The following METTL14 variants were observed in gnomAD, a reference collection of about 807,000 sequenced individuals.
METTL14 encodes the protein methyltransferase 14, N6-adenosine-methyltransferase non-catalytic subunit, also known as N(6)-adenosine-methyltransferase non-catalytic subunit METTL14.
METTL14 carries 32 observed loss-of-function variants against 62.4 expected under a neutral mutation model. The observed-to-expected ratio is 0.51, with a 90% CI of 0.39 to 0.69. METTL14 has a LOEUF of 0.69. Among genes scored for constraint, METTL14 ranks in the 30% least tolerant of loss-of-function variants. METTL14 has a pLI of 0.00. For missense variants in METTL14, 340 were observed against 551.9 expected (o/e 0.62, Z 3.85); for synonymous variants, 150 against 180.0 (o/e 0.83, Z 1.34).
At chr4:118,689,612 A>G (rs893783299) in intron 3 of METTL14, 155 bp downstream of exon 3, 5 of 437,306 alleles carry the variant, frequency 1.1e-5, no homozygotes, top group Middle Eastern at 6.4e-4. Flanking sequence ...CATTAAGACC[A>G]TTATATCAGT....
chr4:118,707,297 T>C (rs933552373), intron 10 of METTL14, among the ~76,000 whole-genome samples: 5 of 152,158 alleles, frequency 3.3e-5, no homozygotes, highest in African/African-American at 1.2e-4. Flanking sequence ...AAAAATTTGA[T>C]GGATCAAAGT....
chr4:118,702,974 A>C (rs1460585310), intron 8 of METTL14, among the ~76,000 whole-genome samples: 1 of 141,302 alleles, frequency 7.1e-6, no homozygotes, highest in African/African-American at 2.5e-5. Context: ...TATTATTATT[A>C]TTATACTTTA....
chr4:118,700,562 G>C lies in METTL14; in HGVS notation c.658G>C (p.Glu220Gln). ...CWTWDDIMKLEIDEIAAPRSF... is the reference protein window; with the variant it reads ...CWTWDDIMKLQIDEIAAPRSF... ...TGATTTCTTACAGATTATGAAGTTA[G>C]AAATTGATGAGATTGCAGCACCTCG... Residue 220 changes from glutamate to glutamine, a missense_variant, in exon 8 of 11, where the codon GAA (glutamate) becomes CAA (glutamine). By Grantham distance (29) the Glu-to-Gln change is conservative (BLOSUM62 2). This residue lies in a region of METTL14 where 58 missense variants were observed against 147.5 expected (regional missense o/e 0.39). Coordinates refer to ENST00000388822, the MANE Select transcript of METTL14 (RefSeq NM_020961.4). 2 of 1,612,368 alleles carry C rather than the reference G, an allele frequency of 1.2e-6. No homozygotes were observed. The highest frequency in any genetic ancestry group is 1.7e-6 in the Non-Finnish European group (2 of 1,178,840).
At chr4:118,689,905 T>C (rs1043531317) in intron 3 of METTL14, among the ~76,000 whole-genome samples, 32 of 152,066 alleles carry the variant, frequency 2.1e-4, no homozygotes, top group East Asian at 7.7e-4. Context: ...CCCAAAGTGC[T>C]GGGATTATAG....
intron 8 of METTL14, among the ~76,000 whole-genome samples, chr4:118,702,024 A>G (rs1724608151): frequency 6.6e-6 from 1 of 151,798 alleles, no homozygotes; most frequent in African/African-American, 2.4e-5. Context: ...TTTTATAGGT[A>G]TATTGGTGTT....
chr4:118,708,497 G>T (rs553503636), intron 10 of METTL14, among the ~76,000 whole-genome samples: 1 of 152,064 alleles, frequency 6.6e-6, no homozygotes, highest in East Asian at 1.9e-4. Context: ...TCTTGATCAT[G>T]GTATCTGCCA....
rs1413017317 is a variant in METTL14, at chr4:118,699,868, C to A, written c.646-682C>A. Among the ~76,000 whole-genome samples, 3 of 152,034 alleles carry A rather than the reference C, an allele frequency of 2.0e-5. 1 individual carries two copies. In the East Asian group the frequency reaches 5.8e-4, roughly 29 times the overall value. ...TGAGATACCGTCCTGAAGGAAGTGC[C>A]AGTAGTTAATGTAATAAACAAAATG... On this transcript the variant is annotated intron_variant, in intron 7 of 10. Coordinates refer to ENST00000388822, the MANE Select transcript of METTL14 (RefSeq NM_020961.4).
rs1165412269 is a variant in METTL14, at chr4:118,704,040, C to G, written c.844C>G (p.Gln282Glu). ...TKTLDPKAVF[Q>E]RTKEHCLMGI... is the part of the protein sequence containing the mutation. The stretch of plus-strand genomic sequence containing the variant: ...GACTTTAGATCCAAAGGCTGTCTTT[C>G]AGAGAACAAAGGTATTGCCTTTACT... The change falls in exon 9 of 11, where the codon CAG becomes GAG. Residue 282 changes from glutamine (Q) to glutamate (E), a missense_variant. Physicochemically the swap from Gln to Glu is conservative, Grantham distance 29. Transcript: ENST00000388822. 1 of 1,572,680 alleles carries G rather than the reference C, an allele frequency of 6.4e-7. No homozygotes were observed. Among genetic ancestry groups the G allele is most frequent in the Non-Finnish European group, 8.6e-7 (1 of 1,161,754 alleles).
At position 118,715,351 on chromosome 4, in the gene METTL14, ATGTCT is replaced by A. The variant is rs1725017733; in HGVS notation, c.*5053_*5057del. ...TTAAATGATCAAAGTAATTGCTTAA[ATGTCT>A]TGTGGAATTAGCTGTCACTTTATAG... On this transcript the variant is annotated 3_prime_UTR_variant, in exon 11 of 11. Coordinates refer to ENST00000388822, the MANE Select transcript of METTL14 (RefSeq NM_020961.4). 6.6e-6 allele frequency: 1 copy of A among 152,210 alleles called. No individual in the cohort carries two copies. The highest frequency in any genetic ancestry group is 1.5e-5 in the Non-Finnish European group (1 of 68,042). The allele number at this position is 152,210 out of a possible 1,614,324, so 9.4% of individuals were successfully genotyped here.
At chr4:118,695,550 T>C (rs1724383080) in intron 6 of METTL14, among the ~76,000 whole-genome samples, 1 of 152,096 alleles carries the variant, frequency 6.6e-6, no homozygotes, top group Admixed American at 6.5e-5. Flanking sequence ...CTCCGTATTC[T>C]TGATAGCTTA....
chr4:118,694,649 T>C (rs1179670459), intron 6 of METTL14, 123 bp downstream of exon 6: 4 of 720,626 alleles, frequency 5.6e-6, no homozygotes, highest in Non-Finnish European at 9.4e-6. Context: ...TTTATTACTC[T>C]GTTTCTTCTC....
At chr4:118,702,079 T>C (rs1724609119) in intron 8 of METTL14, among the ~76,000 whole-genome samples, 1 of 151,996 alleles carries the variant, frequency 6.6e-6, no homozygotes, top group Admixed American at 6.6e-5. Context: ...TTTCCTTTCA[T>C]TCCCCAAATT....
chr4:118,712,288 T>G lies in METTL14; in HGVS notation c.*1986T>G, dbSNP rs1379626291. 2.0e-5 allele frequency: 3 copies of G among 152,196 alleles called. No homozygotes were observed. Among genetic ancestry groups the G allele is most frequent in the Non-Finnish European group, 4.4e-5 (3 of 68,030 alleles). The allele number at this position is 152,196 out of a possible 1,614,324, so 9.4% of individuals were successfully genotyped here. On this transcript the variant is annotated 3_prime_UTR_variant, in exon 11 of 11. Coordinates refer to ENST00000388822, the MANE Select transcript of METTL14 (RefSeq NM_020961.4). ...TACTCTGACCTCTTCTAATTTTTGG[T>G]CTTCTTTATATTTACATGTCTTACA...
At chr4:118,692,343 C>T (rs1463280696) in intron 5 of METTL14, among the ~76,000 whole-genome samples, 1 of 151,854 alleles carries the variant, frequency 6.6e-6, no homozygotes, top group Non-Finnish European at 1.5e-5. Context: ...ATTCTCCTGC[C>T]TCAGCCTCCC....
chr4:118,703,812 T>A (rs919633403), intron 8 of METTL14, 123 bp from the exon 9 acceptor site: 1 of 566,260 alleles, frequency 1.8e-6, no homozygotes, highest in Non-Finnish European at 3.0e-6. Context: ...CAAAATTACC[T>A]TGAAACCTTG....
intron 1 of METTL14, among the ~76,000 whole-genome samples, chr4:118,687,308 A>ATG (rs1457350628): frequency 6.6e-6 from 1 of 152,204 alleles, no homozygotes; most frequent in African/African-American, 2.4e-5. Context: ...TTTGAATGTC[A>ATG]TGTCAGTACT....
At position 118,712,064 on chromosome 4, in the gene METTL14, G is replaced by T. The variant is rs773653041; in HGVS notation, c.*1762G>T. ...CATGATCTACCATATTTAGGAAAAAGTTATTTAAAAAAGAGCAGATGGTGG... is the reference window on the plus strand; with the variant it reads ...CATGATCTACCATATTTAGGAAAAATTTATTTAAAAAAGAGCAGATGGTGG... On this transcript the variant is annotated 3_prime_UTR_variant, in exon 11 of 11. Coordinates refer to ENST00000388822, the MANE Select transcript of METTL14 (RefSeq NM_020961.4). The T allele has an allele frequency of 1.3e-5, 2 of 152,138 alleles. No homozygotes were observed. Among genetic ancestry groups the T allele is most frequent in the Non-Finnish European group, 2.9e-5 (2 of 68,010 alleles). The allele number at this position is 152,138 out of a possible 1,614,324, so 9.4% of individuals were successfully genotyped here. A position where few individuals can be genotyped will look rare whatever the true frequency, so the allele number is the denominator to read the frequency against.
rs562614376 is a variant in METTL14, at chr4:118,709,933, C to T, written c.1067-65C>T. On this transcript the variant is annotated intron_variant, in intron 10 of 10. Coordinates refer to ENST00000388822, the MANE Select transcript of METTL14 (RefSeq NM_020961.4). ...AGAATGCATTGGGGATTTGAACTAG[C>T]TTCTAAAGAATTAATAAGAGAGAAT... 2.9e-5 allele frequency: 43 copies of T among 1,464,308 alleles called. No individual in the cohort carries two copies. The African/African-American group carries it at 4.1e-4, about 14-fold the overall frequency. 90.7% of individuals were successfully genotyped at this position (1,464,308 alleles called of 1,614,324 possible).
In METTL14 at chr4:118,710,012, G is replaced by A; in HGVS notation, c.1081G>A (p.Gly361Arg). ...CTCCATTTCAGGCTGGCTCACAGTT[G>A]GACCAACGCTTACAAATAGCAACTA... ...STIRPGWLTV[G>R]PTLTNSNYNA... The change falls in exon 11 of 11, where the codon GGA (glycine) becomes AGA (arginine). Residue 361 changes from glycine to arginine, a missense_variant. By Grantham distance (125) the Gly-to-Arg change is moderately radical. Transcript: ENST00000388822. The A allele has an allele frequency of 6.2e-7, 1 of 1,606,298 alleles. No homozygotes were observed. The highest frequency in any genetic ancestry group is 8.5e-7 in the Non-Finnish European group (1 of 1,175,840).
Sources: gnomAD v4.1 joint callset for allele counts (sites outside exome capture counted in the v4.1 genomes callset) on GRCh38, gnomAD v4.1.1 for gene constraint, gnomAD v4.1.1 regional missense constraint, MANE v1.5 for transcripts, NCBI Gene and HGNC (gene_info 2026-07-23, HGNC 2026-07-21) for gene names.